The following PHACTR1 variants were observed in gnomAD, a reference collection of about 807,000 sequenced individuals.
PHACTR1 encodes the protein phosphatase and actin regulator 1.
PHACTR1 carries 16 observed loss-of-function variants against 69.2 expected under a neutral mutation model. That is an observed-to-expected ratio of 0.23 (90% confidence interval 0.16 to 0.35). The LOEUF (loss-of-function observed/expected upper bound fraction) is 0.35. PHACTR1 is among the 10% of genes least tolerant of loss of function. The pLI is 1.00. For missense variants in PHACTR1, 510 were observed against 734.7 expected, an observed-to-expected ratio of 0.69 and a Z score of 3.54; for synonymous variants, 312 against 284.5, an observed-to-expected ratio of 1.10 and a Z score of -0.97.
chr6:13,089,931 G>T (rs1002011501), intron 5 of PHACTR1, among the ~76,000 whole-genome samples: 1 of 152,198 alleles, frequency 6.6e-6, no homozygotes, highest in African/African-American at 2.4e-5. Context: ...TTCCTGAAAT[G>T]AATAGGGAAT....
chr6:13,161,536 T>TTCTA (rs113770547), intron 6 of PHACTR1, among the ~76,000 whole-genome samples: 34,524 of 151,844 alleles, frequency 0.23, 4,012 homozygotes, highest in South Asian at 0.45. Context: ...TCACATAATA[T>TTCTA]TCTACTTTAA....
At chr6:13,279,246 C>T (rs1028343983) in intron 12 of PHACTR1, 19 of 152,156 alleles carry the variant, frequency 1.2e-4, no homozygotes, top group African/African-American at 4.3e-4. Context: ...GCATCTCATT[C>T]CACATGAGTG....
At chr6:13,207,648 C>T (rs1766141884) in intron 8 of PHACTR1, among the ~76,000 whole-genome samples, 1 of 152,144 alleles carries the variant, frequency 6.6e-6, no homozygotes, top group African/African-American at 2.4e-5. Context: ...CAAGAAGGCA[C>T]TGGGATTTCC....
At chr6:13,070,174 C>T (rs1415893953) in intron 5 of PHACTR1, among the ~76,000 whole-genome samples, 14 of 152,202 alleles carry the variant, frequency 9.2e-5, no homozygotes, top group Non-Finnish European at 1.8e-4. Flanking sequence ...ATTTCCTTAT[C>T]TAGTCGAATT....
chr6:12,751,557 C>T (rs1170009288), intron 4 of PHACTR1, among the ~76,000 whole-genome samples: 1 of 152,212 alleles, frequency 6.6e-6, no homozygotes, highest in Non-Finnish European at 1.5e-5. Context: ...GTACTTTTAT[C>T]ACAAAACAAT....
chr6:13,169,729 T>G (rs1044885240), intron 6 of PHACTR1, among the ~76,000 whole-genome samples: 2 of 152,200 alleles, frequency 1.3e-5, no homozygotes, highest in African/African-American at 4.8e-5. Context: ...TTGATTACAT[T>G]TATGCTATTA....
intron 4 of PHACTR1, among the ~76,000 whole-genome samples, chr6:12,825,130 GAC>G (rs139069335): frequency 4.6e-5 from 7 of 151,030 alleles, no homozygotes; most frequent in African/African-American, 1.2e-4. Flanking sequence ...CACACACACA[GAC>G]ACACACACAC....
At chr6:13,129,333 G>A (rs1056459713) in intron 5 of PHACTR1, among the ~76,000 whole-genome samples, 1 of 151,986 alleles carries the variant, frequency 6.6e-6, no homozygotes, top group Non-Finnish European at 1.5e-5. Context: ...GAATGTAAAT[G>A]GCCTAAATGC....
chr6:12,956,616 C>T (rs764469476), intron 4 of PHACTR1, among the ~76,000 whole-genome samples: 1 of 152,064 alleles, frequency 6.6e-6, no homozygotes, highest in African/African-American at 2.4e-5. Flanking sequence ...GGGCATTATG[C>T]TTATTTGAGG....
At chr6:13,239,802 C>G (rs1041538400) in intron 10 of PHACTR1, among the ~76,000 whole-genome samples, 4 of 152,142 alleles carry the variant, frequency 2.6e-5, no homozygotes, top group African/African-American at 7.2e-5. Context: ...TTCTGAGCCT[C>G]GACTCTGTGT....
chr6:12,986,885 G>A (rs542325099), intron 4 of PHACTR1, among the ~76,000 whole-genome samples: 12 of 152,292 alleles, frequency 7.9e-5, no homozygotes, highest in African/African-American at 2.9e-4. Context: ...AGAAGTGAAA[G>A]CCTATGGTTT....
At chr6:12,888,425 C>T (rs1019166746) in intron 4 of PHACTR1, among the ~76,000 whole-genome samples, 5 of 152,076 alleles carry the variant, frequency 3.3e-5, no homozygotes, top group Non-Finnish European at 5.9e-5. Context: ...TTTGTTATAG[C>T]AGCACAAATA....
intron 4 of PHACTR1, among the ~76,000 whole-genome samples, chr6:12,908,527 G>A (rs1472043535): frequency 6.6e-6 from 1 of 152,100 alleles, no homozygotes; most frequent in Non-Finnish European, 1.5e-5. Context: ...AAAGGGTGCT[G>A]TGCAAATATG....
intron 4 of PHACTR1, among the ~76,000 whole-genome samples, chr6:12,816,582 A>G (rs953992914): frequency 5.9e-5 from 9 of 152,228 alleles, no homozygotes; most frequent in African/African-American, 2.2e-4. Context: ...ATCACAGCTT[A>G]TACCTTTCTT....
chr6:12,794,686 C>T (rs909191568), intron 4 of PHACTR1, among the ~76,000 whole-genome samples: 4 of 152,190 alleles, frequency 2.6e-5, no homozygotes, highest in African/African-American at 7.2e-5. Context: ...ATTCGATGTG[C>T]GTCTTCCACC....
intron 4 of PHACTR1, among the ~76,000 whole-genome samples, chr6:13,030,416 TA>T (rs1802293027): frequency 6.6e-6 from 1 of 152,202 alleles, no homozygotes; most frequent in African/African-American, 2.4e-5. Flanking sequence ...AATAAAGTAT[TA>T]AAATGCAGAA....
At chr6:12,789,786 A>G (rs570556020) in intron 4 of PHACTR1, among the ~76,000 whole-genome samples, 3 of 148,556 alleles carry the variant, frequency 2.0e-5, no homozygotes, top group Non-Finnish European at 4.5e-5. Flanking sequence ...TTATTTTATT[A>G]TTATTATACT....
intron 5 of PHACTR1, among the ~76,000 whole-genome samples, chr6:13,109,167 A>G (rs1816621490): frequency 6.6e-6 from 1 of 152,060 alleles, no homozygotes; most frequent in Admixed American, 6.6e-5. Flanking sequence ...ATGCATTATT[A>G]CTTTTTTTAT....
chr6:12,940,403 G>A (rs984415688), intron 4 of PHACTR1, among the ~76,000 whole-genome samples: 1 of 152,194 alleles, frequency 6.6e-6, no homozygotes, highest in Non-Finnish European at 1.5e-5. Context: ...TTGGTTTAGG[G>A]TTACTTTTCT....
Sources: gnomAD v4.1 joint callset for allele counts (sites outside exome capture counted in the v4.1 genomes callset) on GRCh38, gnomAD v4.1.1 for gene constraint, MANE v1.5 for transcripts, NCBI Gene and HGNC (gene_info 2026-07-23, HGNC 2026-07-21) for gene names.